KCNAB1: variants seen among roughly 807,000 people sequenced by gnomAD.
KCNAB1 encodes the protein potassium voltage-gated channel subfamily A regulatory beta subunit 1.
A neutral mutation model predicts 64.6 loss-of-function variants in KCNAB1; 35 were observed. The observed-to-expected ratio is 0.54, with a 90% CI of 0.41 to 0.72. The LOEUF (loss-of-function observed/expected upper bound fraction) is 0.72. KCNAB1 is among the 30% of genes least tolerant of loss of function. The pLI is 0.00. For synonymous variants in KCNAB1, 177 were observed against 183.8 expected (o/e 0.96, Z 0.30); for missense variants, 401 against 512.9 (o/e 0.78, Z 2.11).
intron 13 of KCNAB1, among the ~76,000 whole-genome samples, chr3:156,534,163 A>ACTGGGTGACTAGGGGTG (rs1718889684): frequency 6.6e-6 from 1 of 152,194 alleles, no homozygotes; most frequent in African/African-American, 2.4e-5. Context: ...TGAAAAGCAG[A>ACTGGGTGACTAGGGGTG]CTGGGTGACT....
chr3:156,345,988 G>A (rs1040563976), intron 1 of KCNAB1, among the ~76,000 whole-genome samples: 3 of 152,060 alleles, frequency 2.0e-5, no homozygotes, highest in Non-Finnish European at 4.4e-5. Context: ...CAAATGGGAG[G>A]AGTACAAGCT....
chr3:156,257,520 G>A (rs570068751), intron 1 of KCNAB1, among the ~76,000 whole-genome samples: 2 of 152,302 alleles, frequency 1.3e-5, no homozygotes, highest in Non-Finnish European at 2.9e-5. Flanking sequence ...GCCCTACTCT[G>A]AGGACAGCTT....
intron 1 of KCNAB1, among the ~76,000 whole-genome samples, chr3:156,251,170 A>G (rs1717808950): frequency 6.6e-6 from 1 of 152,242 alleles, no homozygotes; most frequent in Admixed American, 6.5e-5. Context: ...AGAATACTTG[A>G]GTATGCTTGC....
intron 1 of KCNAB1, among the ~76,000 whole-genome samples, chr3:156,411,312 ATG>A (rs1461455063): frequency 6.6e-6 from 1 of 152,112 alleles, no homozygotes; most frequent in Non-Finnish European, 1.5e-5. Context: ...AGCATGTAAC[ATG>A]TCTTTTCATT....
rs1172442840 is a variant in KCNAB1 at position 156,375,433 on chromosome 3, G to C, written c.276-46183G>C. Among the ~76,000 whole-genome samples, 2 of 135,292 alleles carry C rather than the reference G, an allele frequency of 1.5e-5. 1 individual carries two copies. Among genetic ancestry groups the C allele is most frequent in the Non-Finnish European group, 3.1e-5 (2 of 64,968 alleles). The allele number at this position is 135,292 out of a possible 152,430, so 88.8% of individuals were successfully genotyped here. ...TTAACGACATTCCTGATGTTGCAAA[G>C]CTGGGAAGGGGCAGAGAATAGACCA... On this transcript the variant is annotated intron_variant, in intron 1 of 13. Transcript: ENST00000490337.
chr3:156,394,353 G>A (rs1299968491), intron 1 of KCNAB1, among the ~76,000 whole-genome samples: 1 of 152,154 alleles, frequency 6.6e-6, no homozygotes, highest in Non-Finnish European at 1.5e-5. Flanking sequence ...CAAGAGTGAA[G>A]TCTATTTTCA....
chr3:156,426,657 G>A (rs898200430), intron 2 of KCNAB1, among the ~76,000 whole-genome samples: 19 of 152,238 alleles, frequency 1.2e-4, no homozygotes, highest in African/African-American at 3.4e-4. Context: ...CTAACTCCTG[G>A]AAATCACTGT....
intron 1 of KCNAB1, among the ~76,000 whole-genome samples, chr3:156,210,910 G>T (rs59046488): frequency 6.6e-6 from 1 of 152,190 alleles, no homozygotes; most frequent in African/African-American, 2.4e-5. Flanking sequence ...AAATTCGTGG[G>T]TGGGTGCCTC....
chr3:156,291,267 G>A (rs1280125897), intron 1 of KCNAB1: 16 of 987,372 alleles, frequency 1.6e-5, no homozygotes, highest in Non-Finnish European at 1.9e-5. Context: ...AGAATGAGTG[G>A]GGAGGGGTCT....
intron 1 of KCNAB1, among the ~76,000 whole-genome samples, chr3:156,324,513 C>T (rs949780422): frequency 6.6e-6 from 1 of 152,102 alleles, no homozygotes; most frequent in Non-Finnish European, 1.5e-5. Context: ...CATGCATTTA[C>T]TCATTCAATA....
At chr3:156,331,241 T>C (rs180696014) in intron 1 of KCNAB1, among the ~76,000 whole-genome samples, 1 of 152,350 alleles carries the variant, frequency 6.6e-6, no homozygotes, top group East Asian at 1.9e-4. Context: ...CCAGCGATCA[T>C]GTAGATGTTC....
chr3:156,151,940 A>G (rs1278849294), intron 1 of KCNAB1, among the ~76,000 whole-genome samples: 1 of 152,182 alleles, frequency 6.6e-6, no homozygotes, highest in Admixed American at 6.5e-5. Flanking sequence ...AATTAATTTT[A>G]GTATAGGAAG....
intron 1 of KCNAB1, among the ~76,000 whole-genome samples, chr3:156,341,904 A>G (rs897289770): frequency 1.3e-5 from 2 of 152,146 alleles, no homozygotes; most frequent in African/African-American, 4.8e-5. Context: ...TGGATGTGAC[A>G]TTTAAAATAG....
intron 1 of KCNAB1, among the ~76,000 whole-genome samples, chr3:156,326,426 G>A (rs532440115): frequency 6.6e-6 from 1 of 152,228 alleles, no homozygotes; most frequent in South Asian, 2.1e-4. Flanking sequence ...CTGTAGGGAG[G>A]TGCCCACTCT....
At chr3:156,365,400 C>T (rs999820877) in intron 1 of KCNAB1, among the ~76,000 whole-genome samples, 2 of 152,128 alleles carry the variant, frequency 1.3e-5, no homozygotes, top group African/African-American at 4.8e-5. Context: ...GGCTCATCTT[C>T]CTCTTGACTA....
intron 1 of KCNAB1, among the ~76,000 whole-genome samples, chr3:156,226,443 T>C (rs1716176332): frequency 6.6e-6 from 1 of 152,176 alleles, no homozygotes; most frequent in Admixed American, 6.5e-5. Flanking sequence ...ATTTAAGATC[T>C]GAAACCATAA....
chr3:156,526,342 AT>A (rs1261565775), intron 12 of KCNAB1, among the ~76,000 whole-genome samples: 1 of 152,172 alleles, frequency 6.6e-6, no homozygotes, highest in Non-Finnish European at 1.5e-5. Context: ...CTTATTTTAA[AT>A]TTTCTAGTGA....
intron 1 of KCNAB1, among the ~76,000 whole-genome samples, chr3:156,397,159 G>C (rs762415322): frequency 6.6e-6 from 1 of 152,180 alleles, no homozygotes; most frequent in Non-Finnish European, 1.5e-5. Context: ...CATGAGTAAG[G>C]CAGAGTTATG....
At chr3:156,330,533 A>G (rs1046481926) in intron 1 of KCNAB1, among the ~76,000 whole-genome samples, 1 of 152,068 alleles carries the variant, frequency 6.6e-6, no homozygotes, top group African/African-American at 2.4e-5. Flanking sequence ...ACTTTGAATC[A>G]TTTCTTCTGA....
Sources: allele counts gnomAD v4.1 joint callset (sites outside exome capture counted in the v4.1 genomes callset), GRCh38; gene constraint gnomAD v4.1.1; transcripts MANE v1.5; gene names NCBI Gene and HGNC (gene_info 2026-07-23, HGNC 2026-07-21).